The following CREB3L2 variants were observed in gnomAD, a reference collection of about 807,000 sequenced individuals.
The protein encoded by CREB3L2 is cyclic AMP-responsive element-binding protein 3-like protein 2.
CREB3L2 carries 23 observed loss-of-function variants against 57.2 expected under a neutral mutation model. The observed-to-expected ratio is 0.40, with a 90% CI of 0.29 to 0.57. The LOEUF is 0.57. Ranked by LOEUF, CREB3L2 falls within the 20% of genes least tolerant of loss-of-function variation. The probability of loss-of-function intolerance (pLI) is 0.42; values close to 1 mark genes in which losing one functional copy is unlikely to be tolerated. For synonymous variants in CREB3L2, 268 were observed against 265.1 expected (o/e 1.01, Z -0.11); for missense variants, 628 against 634.7 (o/e 0.99, Z 0.11).
intron 10 of CREB3L2, among the ~76,000 whole-genome samples, chr7:137,883,928 C>T (rs1799351973): frequency 1.3e-5 from 2 of 152,230 alleles, no homozygotes; most frequent in South Asian, 4.1e-4. Context: ...GGTGAGAACA[C>T]CATACGCTTC....
chr7:137,959,644 A>G (rs1481287355), intron 1 of CREB3L2, among the ~76,000 whole-genome samples: 1 of 152,240 alleles, frequency 6.6e-6, no homozygotes, highest in Non-Finnish European at 1.5e-5. Flanking sequence ...AGACATGACC[A>G]TATGTTGAAA....
At chr7:137,983,834 T>C (rs1801750523) in intron 1 of CREB3L2, among the ~76,000 whole-genome samples, 1 of 152,176 alleles carries the variant, frequency 6.6e-6, no homozygotes. Context: ...GGATTCCAGG[T>C]TCTGCACTCA....
chr7:137,916,125 A>C lies in CREB3L2; in HGVS notation c.320-113T>G, dbSNP rs143699897. On this transcript the variant is annotated intron_variant, in intron 2 of 11. Coordinates refer to ENST00000330387, the MANE Select transcript of CREB3L2 (RefSeq NM_194071.4). ...AAAAGCTCAGTGAAGGATGATTGAA[A>C]GTAGAATAAAAGAAAATGAAATATG... is the stretch of plus-strand genomic sequence containing the variant. The C allele has an allele frequency of 2.1e-4, 153 of 729,470 alleles. No homozygotes were observed. In the African/African-American group the frequency reaches 2.5e-3, roughly 12 times the overall value. 45.2% of individuals were successfully genotyped at this position (729,470 alleles called of 1,614,324 possible).
chr7:137,955,919 G>A (rs1801200766), intron 1 of CREB3L2, among the ~76,000 whole-genome samples: 1 of 152,080 alleles, frequency 6.6e-6, no homozygotes, highest in African/African-American at 2.4e-5. Flanking sequence ...GGATGTATGG[G>A]GACAGTCACT....
At chr7:137,901,879 A>AAAAAG (rs1554495234) in intron 7 of CREB3L2, among the ~76,000 whole-genome samples, 70 of 147,940 alleles carry the variant, frequency 4.7e-4, no homozygotes, top group African/African-American at 1.7e-3. Context: ...TGTCTCAAAA[A>AAAAAG]AAAAAAAAAA....
chr7:137,905,051 A>G (rs1049451362), intron 6 of CREB3L2, among the ~76,000 whole-genome samples: 1 of 151,842 alleles, frequency 6.6e-6, no homozygotes, highest in Non-Finnish European at 1.5e-5. Context: ...GGATAGAGTG[A>G]CACTAAGCTC....
chr7:137,907,733 C>T (rs555853243), intron 5 of CREB3L2, among the ~76,000 whole-genome samples: 2 of 152,172 alleles, frequency 1.3e-5, no homozygotes, highest in East Asian at 3.9e-4. Context: ...GAGGGATGAA[C>T]GAGGGGTCTT....
chr7:137,946,383 G>C (rs1800975432), intron 1 of CREB3L2, among the ~76,000 whole-genome samples: 1 of 150,924 alleles, frequency 6.6e-6, no homozygotes, highest in Admixed American at 6.6e-5. Flanking sequence ...TTTTCCTCCT[G>C]CTGGCCTGGA....
chr7:137,965,225 G>A (rs1228982258), intron 1 of CREB3L2, among the ~76,000 whole-genome samples: 2 of 152,184 alleles, frequency 1.3e-5, no homozygotes, highest in Non-Finnish European at 2.9e-5. Flanking sequence ...GCCAACTCCA[G>A]TAATTACTGC....
intron 1 of CREB3L2, among the ~76,000 whole-genome samples, chr7:137,970,543 G>T (rs1234362806): frequency 1.6e-5 from 2 of 122,536 alleles, no homozygotes; most frequent in Non-Finnish European, 3.2e-5. Flanking sequence ...AACAGCAACT[G>T]TAAGAAGGAA....
chr7:137,885,537 G>A (rs1799400080), intron 8 of CREB3L2, 35 bp from the exon 9 acceptor site: 1 of 1,519,204 alleles, frequency 6.6e-7, no homozygotes, highest in Admixed American at 1.7e-5. Flanking sequence ...AGGGGAGTCT[G>A]ACAGAGAAGA....
chr7:137,910,156 T>A (rs1415636095), intron 4 of CREB3L2, among the ~76,000 whole-genome samples: 1 of 152,138 alleles, frequency 6.6e-6, no homozygotes, highest in Non-Finnish European at 1.5e-5. Flanking sequence ...CCTGCAGGAA[T>A]ACCTGAATAG....
intron 1 of CREB3L2, among the ~76,000 whole-genome samples, chr7:137,972,903 T>G (rs1007092420): frequency 1.3e-5 from 2 of 151,184 alleles, no homozygotes; most frequent in African/African-American, 4.9e-5. Context: ...AGGGAGCATT[T>G]TCATACCAGC....
At chr7:137,918,093 C>T (rs910731593) in intron 2 of CREB3L2, among the ~76,000 whole-genome samples, 1 of 152,202 alleles carries the variant, frequency 6.6e-6, no homozygotes. Context: ...ACAATGTCCG[C>T]TGCAAAGAAC....
At chr7:137,965,063 T>C (rs901668143) in intron 1 of CREB3L2, among the ~76,000 whole-genome samples, 8 of 152,142 alleles carry the variant, frequency 5.3e-5, no homozygotes, top group Non-Finnish European at 1.0e-4. Flanking sequence ...AACAGACTAA[T>C]ACAAGTAGTG....
chr7:137,922,416 GTATATATATATATATATA>G (rs1179011567), intron 2 of CREB3L2, among the ~76,000 whole-genome samples: 3 of 17,230 alleles, frequency 1.7e-4, no homozygotes, highest in African/African-American at 4.3e-4. Flanking sequence ...ATATATATAT[GTATATATATATATATATA>G]TACGTATATA....
At chr7:137,939,957 G>A (rs1019523466) in intron 1 of CREB3L2, among the ~76,000 whole-genome samples, 1 of 152,210 alleles carries the variant, frequency 6.6e-6, no homozygotes, top group African/African-American at 2.4e-5. Context: ...ATTCCCCACA[G>A]TGAGAGTTAA....
intron 1 of CREB3L2, among the ~76,000 whole-genome samples, chr7:137,965,048 G>A (rs1397324024): frequency 2.0e-5 from 3 of 152,094 alleles, no homozygotes; most frequent in South Asian, 2.1e-4. Context: ...TATCAGCAGC[G>A]TAAGAACAGA....
intron 8 of CREB3L2, among the ~76,000 whole-genome samples, chr7:137,895,272 C>T (rs536175334): frequency 6.6e-6 from 1 of 152,342 alleles, no homozygotes; most frequent in African/African-American, 2.4e-5. Context: ...TAGAGAGGTG[C>T]ATTCACTTAG....
Sources: gnomAD v4.1 joint callset for allele counts (sites outside exome capture counted in the v4.1 genomes callset) on GRCh38, gnomAD v4.1.1 for gene constraint, MANE v1.5 for transcripts, NCBI Gene and HGNC (gene_info 2026-07-23, HGNC 2026-07-21) for gene names.